SLC49A3: variants seen among roughly 807,000 people sequenced by gnomAD.
The protein encoded by SLC49A3 is solute carrier family 49 member 3, also known as solute carrier family 49 member A3.
SLC49A3 carries 50 observed loss-of-function variants against 43.8 expected under a neutral mutation model. The observed-to-expected ratio is 1.14, with a 90% confidence interval of 0.91 to 1.45. SLC49A3 has a LOEUF of 1.45. SLC49A3 is among the 40% of genes most tolerant of loss of function. The pLI, the probability that SLC49A3 is intolerant of heterozygous loss-of-function variation, is 0.00. For missense variants in SLC49A3, 906 were observed against 774.1 expected (o/e 1.17, Z -2.02); for synonymous variants, 413 against 352.0 (o/e 1.17, Z -1.94).
chr4:678,935 G>A (rs1199904232), downstream of SLC49A3: 4 of 1,613,256 alleles, frequency 2.5e-6, no homozygotes, highest in Admixed American at 1.7e-5. Flanking sequence ...TGGCAGCACA[G>A]CAGCCCTGAC....
chr4:683,163 C>T (rs1381310195), intron 8 of SLC49A3, 47 bp downstream of exon 8: 3 of 1,610,848 alleles, frequency 1.9e-6, no homozygotes, highest in African/African-American at 2.7e-5. Context: ...AGGGGTGGAG[C>T]AAGGGGAGTA....
chr4:686,015 G>A (rs1275795973), intron 3 of SLC49A3, 74 bp downstream of exon 3: 2 of 1,606,328 alleles, frequency 1.2e-6, no homozygotes, highest in African/African-American at 2.7e-5. Context: ...CCTGGCCAGA[G>A]AGCCTGGGGA....
chr4:678,169 T>C, downstream of SLC49A3: 2 of 1,540,650 alleles, frequency 1.3e-6, no homozygotes, highest in Non-Finnish European at 8.8e-7. Context: ...TGCCTGCATA[T>C]GTGTGTGCAT....
At chr4:680,080 C>T (rs993526880), downstream of SLC49A3, 66 of 1,370,782 alleles carry the variant, frequency 4.8e-5, 1 homozygote, top group African/African-American at 9.2e-4. Flanking sequence ...GAGATCCGGA[C>T]ATTTCACGTA....
At position 682,850 on chromosome 4, in the gene SLC49A3, G is replaced by C; in HGVS notation, c.1192C>G (p.Leu398Val). 2 of 1,604,774 alleles carry C rather than the reference G, an allele frequency of 1.2e-6. No individual in the cohort carries two copies. The highest frequency in any genetic ancestry group is 1.7e-6 in the Non-Finnish European group (2 of 1,174,416). Reference sequence around the variant, plus strand: ...GACGGCTCCGAGCGTCGCACAGTCAGTGCCGTCATTGCCAGCATGATGAGT... The same window carrying C: ...GACGGCTCCGAGCGTCGCACAGTCACTGCCGTCATTGCCAGCATGATGAGT... ...GILIMLAMTA[L>V]TVRRSEPSLS... The change falls in exon 9 of 10, where the codon CTG (leucine) becomes GTG (valine). Residue 398 changes from leucine (L) to valine (V), a missense_variant. Leu to Val is a conservative substitution (Grantham distance 32). Coordinates refer to ENST00000322224, the MANE Select transcript of SLC49A3 (RefSeq NM_032219.4).
chr4:681,651 TCCAGC>T (rs1739606091), downstream of SLC49A3, among the ~76,000 whole-genome samples: 1 of 2,728 alleles, frequency 3.7e-4, no homozygotes, highest in East Asian at 0.024. Flanking sequence ...CCCCGCCCCC[TCCAGC>T]GCCGCCCCGC....
At chr4:680,396 A>G, downstream of SLC49A3, 1 of 1,113,690 alleles carries the variant, frequency 9.0e-7, no homozygotes, top group Admixed American at 2.2e-5. Flanking sequence ...TTGTGGGCAG[A>G]GGCTTGGAGT....
At chr4:683,996 C>T (rs545800190) in intron 6 of SLC49A3, among the ~76,000 whole-genome samples, 4 of 152,336 alleles carry the variant, frequency 2.6e-5, no homozygotes, top group African/African-American at 9.6e-5. Flanking sequence ...TCCACAGAGG[C>T]CCCACAGGGC....
At chr4:686,841 G>C in intron 1 of SLC49A3, 151 bp from the exon 2 acceptor site, 1 of 1,051,838 alleles carries the variant, frequency 9.5e-7, no homozygotes, top group Non-Finnish European at 1.3e-6. Flanking sequence ...TGCCCAAGGA[G>C]AGCGCCACCC....
chr4:689,038 C>T lies in SLC49A3; in HGVS notation c.90G>A (p.Trp30Ter). 1 of 1,590,090 alleles carries T rather than the reference C, an allele frequency of 6.3e-7. No individual in the cohort carries two copies. Among genetic ancestry groups the T allele is most frequent in the Non-Finnish European group, 8.5e-7 (1 of 1,171,050 alleles). Residue 30 changes from tryptophan (W) to a stop codon, truncating the protein, a stop_gained, in exon 1 of 10, where the codon TGG (tryptophan) becomes TGA (stop). Transcript: ENST00000322224. LOFTEE classifies it high-confidence loss of function. ...QRGHRTYARR[W>*]VFLLAISLLN... ...GCAGGCTGATCGCGAGCAGGAACAC[C>T]CAGCGGCGCGCGTAGGTGCGGTGGC...
chr4:678,021 G>A, downstream of SLC49A3: 2 of 1,613,472 alleles, frequency 1.2e-6, no homozygotes, highest in Admixed American at 1.7e-5. Flanking sequence ...GCAGGCAGAA[G>A]CAGGCATGGT....
At position 682,227 on chromosome 4, in the gene SLC49A3, C is replaced by T; in HGVS notation, c.1411G>A (p.Val471Met). ...AVGGADSGPG[V>M]DRGGAGRAGV... ...GCCCTTCCTGCTCCCCCTCGGTCCACACCCGGCCCTGAGTCTGCGCCGCCC... is the reference window on the plus strand; with the variant it reads ...GCCCTTCCTGCTCCCCCTCGGTCCATACCCGGCCCTGAGTCTGCGCCGCCC... The change falls in exon 10 of 10, where the codon GTG becomes ATG. Residue 471 changes from valine (V) to methionine (M), a missense_variant. Physicochemically the swap from Val to Met is conservative, Grantham distance 21 (BLOSUM62 1). Coordinates refer to ENST00000322224, the MANE Select transcript of SLC49A3 (RefSeq NM_032219.4). The T allele has an allele frequency of 7.2e-7, 1 of 1,381,404 alleles. No individual in the cohort carries two copies. The highest frequency in any genetic ancestry group is 1.5e-5 in the African/African-American group (1 of 66,816). The allele number at this position is 1,381,404 out of a possible 1,614,324, so 85.6% of individuals were successfully genotyped here.
At chr4:676,975 G>A (rs913389015), downstream of SLC49A3, 10 of 969,216 alleles carry the variant, frequency 1.0e-5, no homozygotes, top group Admixed American at 6.2e-5. Context: ...CCCTCAGGGG[G>A]TAGGACCTCT....
intron 8 of SLC49A3, 107 bp downstream of exon 8, chr4:683,103 C>A (rs1740155696): frequency 2.8e-6 from 4 of 1,451,242 alleles, no homozygotes; most frequent in Non-Finnish European, 3.8e-6. Context: ...GGCAGGTTCC[C>A]CACCTCCCCG....
In SLC49A3 at chr4:684,553, C is replaced by A. The variant is rs139281564; in HGVS notation, c.770G>T (p.Gly257Val). ...GAAGCTGGCAGAGATCCCGATCATT[C>A]CCCCCAAGCACACAGCCAGGATGAC... Reference protein sequence around the residue: ...AYVILAVCLGGMIGISASFSA... With the variant: ...AYVILAVCLGVMIGISASFSA... Residue 257 changes from glycine (G) to valine (V), a missense_variant, in exon 6 of 10, where the codon GGA becomes GTA. Physicochemically the swap from Gly to Val is moderately radical, Grantham distance 109. Transcript: ENST00000322224. 1 of 1,613,108 alleles carries A rather than the reference C, an allele frequency of 6.2e-7. No homozygotes were observed. Among genetic ancestry groups the A allele is most frequent in the East Asian group, 2.2e-5 (1 of 44,880 alleles).
At chr4:682,414 C>G in intron 9 of SLC49A3, 38 bp from the exon 10 acceptor site, 1 of 1,319,074 alleles carries the variant, frequency 7.6e-7, no homozygotes, top group Non-Finnish European at 9.7e-7. Flanking sequence ...ACAGCCAAGC[C>G]CAGGGGCCAC....
Position 685,929 on chromosome 4 carries a change from C to A in SLC49A3, c.509-18G>T. ...AGGGTTCGCTGGGTGGGCGGATGCACAAAGTGTCAGCTCGGCTGTGGCCTG... is the reference window on the plus strand; with the variant it reads ...AGGGTTCGCTGGGTGGGCGGATGCAAAAAGTGTCAGCTCGGCTGTGGCCTG... On this transcript the variant is annotated intron_variant, in intron 3 of 9. Transcript: ENST00000322224. This position sits in a 1 kb window ranked among gnomAD's most constrained non-coding sequence, Gnocchi z 4.3. 1 of 1,613,836 alleles carries A rather than the reference C, an allele frequency of 6.2e-7. No individual in the cohort carries two copies. Among genetic ancestry groups the A allele is most frequent in the South Asian group, 1.1e-5 (1 of 91,076 alleles).
At chr4:681,436 G>A (rs914084960), downstream of SLC49A3, among the ~76,000 whole-genome samples, 4 of 148,984 alleles carry the variant, frequency 2.7e-5, no homozygotes, top group African/African-American at 9.9e-5. Context: ...GTCCGGAGCC[G>A]CCCCCCACCC....
chr4:676,893 C>G (rs1240157581), downstream of SLC49A3: 5 of 985,374 alleles, frequency 5.1e-6, no homozygotes, highest in Non-Finnish European at 6.0e-6. Context: ...GGAGTCAGTG[C>G]TTCATAGAGG....
Sources: gnomAD v4.1 joint callset for allele counts (sites outside exome capture counted in the v4.1 genomes callset) on GRCh38, gnomAD v4.1.1 for gene constraint, Gnocchi (gnomAD v3.1) non-coding constraint, MANE v1.5 for transcripts, NCBI Gene and HGNC (gene_info 2026-07-23, HGNC 2026-07-21) for gene names.